GMIP: variants seen among roughly 807,000 people sequenced by gnomAD.
GMIP encodes GEM interacting protein, also known as GEM-interacting protein.
Under a neutral mutation model 105.3 loss-of-function variants are expected in GMIP, and 54 were observed. The observed-to-expected ratio is 0.51, with a 90% CI of 0.41 to 0.64. The LOEUF (loss-of-function observed/expected upper bound fraction) is 0.64, where lower values mean the gene tolerates loss of function less well. GMIP is among the 30% of genes least tolerant of loss of function. The pLI is 0.00. For synonymous variants in GMIP, 541 were observed against 560.8 expected (o/e 0.96, Z 0.50); for missense variants, 1,110 against 1,319.4 (o/e 0.84, Z 2.46).
intron 7 of GMIP, 109 bp from the exon 8 acceptor site, chr19:19,638,591 ATTTT>A: frequency 4.4e-6 from 3 of 689,652 alleles, no homozygotes; most frequent in Non-Finnish European, 6.8e-6. Flanking sequence ...TCTGGACTCT[ATTTT>A]TTTTTTTTTC....
chr19:19,634,515 A>G lies in GMIP; in HGVS notation c.2076T>C (p.His692=). ...CAGGGACCCATGCACACCTGAACAG[A>G]TGGGCCACCAGGTGCCGCAGGGTGT... ...NYNTLRHLVA[H]LFRVAARFME... is the part of the protein sequence containing the mutation. The change falls in exon 18 of 21, where the codon CAT becomes CAC. Residue 692 remains histidine (H), a synonymous_variant. Coordinates refer to ENST00000203556, the MANE Select transcript of GMIP (RefSeq NM_016573.4). The surrounding 1 kb of genome is among the most constrained non-coding windows in gnomAD (Gnocchi z 6.1). The G allele has an allele frequency of 6.2e-7, 1 of 1,609,336 alleles. No individual in the cohort carries two copies. The highest frequency in any genetic ancestry group is 8.5e-7 in the Non-Finnish European group (1 of 1,178,602).
At position 19,637,259 on chromosome 19, in the gene GMIP, C is replaced by T; in HGVS notation, c.1124+106G>A. 1 of 837,342 alleles carries T rather than the reference C, an allele frequency of 1.2e-6. No individual in the cohort carries two copies. Among genetic ancestry groups the T allele is most frequent in the Non-Finnish European group, 1.9e-6 (1 of 534,076 alleles). The allele number at this position is 837,342 out of a possible 1,614,324, so 51.9% of individuals were successfully genotyped here. ...CCCGAGAGCCTGGAGTACTAAATTC[C>T]ACTAAGGCTTTGCGTTCTCTAACCT... is the stretch of plus-strand genomic sequence containing the variant. On this transcript the variant is annotated intron_variant, in intron 11 of 20. Transcript: ENST00000203556. This position sits in a 1 kb window ranked among gnomAD's most constrained non-coding sequence, Gnocchi z 6.7.
chr19:19,640,489 A>G lies in GMIP; in HGVS notation c.321T>C (p.Tyr107=), dbSNP rs766386807. 5.6e-6 allele frequency: 9 copies of G among 1,613,948 alleles called. No homozygotes were observed. The highest frequency in any genetic ancestry group is 7.6e-6 in the Non-Finnish European group (9 of 1,180,020). Residue 107 remains tyrosine, a synonymous_variant, in exon 5 of 21, where the codon TAT becomes TAC. Transcript: ENST00000203556. ...ALEYAKTWSR[Y]AKELLAWTEK... ...CAGTCCAGGCAAGCAGTTCCTTGGC[A>G]TAGCGGCTCCAGGTCTTGGCATATT...
At chr19:19,636,854 C>A (rs1021964192) in intron 12 of GMIP, 58 bp from the exon 13 acceptor site, 1 of 1,562,530 alleles carries the variant, frequency 6.4e-7, no homozygotes, top group African/African-American at 1.4e-5. Context: ...CTCCTGCAGC[C>A]CACCTATGTG....
Position 19,635,626 on chromosome 19 carries a change from A to G in GMIP, c.1405+18T>C. The G allele has an allele frequency of 5.6e-6, 9 of 1,613,856 alleles. No homozygotes were observed. Among genetic ancestry groups the G allele is most frequent in the Non-Finnish European group, 7.6e-6 (9 of 1,179,798 alleles). ...GCCCTGCCCTGTCCCATCCTGACCT[A>G]CCCTGCTTCAGCCTCACCAGGGTCT... On this transcript the variant is annotated intron_variant, in intron 14 of 20. Coordinates refer to ENST00000203556, the MANE Select transcript of GMIP (RefSeq NM_016573.4). This position sits in a 1 kb window ranked among gnomAD's most constrained non-coding sequence, Gnocchi z 4.7.
chr19:19,631,480 C>T (rs1005899181), intron 19 of GMIP, among the ~76,000 whole-genome samples: 2 of 152,196 alleles, frequency 1.3e-5, no homozygotes, highest in African/African-American at 2.4e-5. Context: ...TGAGGCATTC[C>T]AGCTCTCAGA....
In GMIP at chr19:19,630,835, A is replaced by T. The variant is rs2061787886; in HGVS notation, c.2473-298T>A. 6.6e-6 allele frequency among the ~76,000 whole-genome samples: 1 copy of T among 152,174 alleles called. No homozygotes were observed. The highest frequency in any genetic ancestry group is 1.5e-5 in the Non-Finnish European group (1 of 68,036). ...ATTGAACTCCTCCTATGCACAGGGCATGGACCACCACTGACTGTGCACCTG... is the reference window on the plus strand; with the variant it reads ...ATTGAACTCCTCCTATGCACAGGGCTTGGACCACCACTGACTGTGCACCTG... On this transcript the variant is annotated intron_variant, in intron 19 of 20. Transcript: ENST00000203556. The surrounding 1 kb of genome is among the most constrained non-coding windows in gnomAD (Gnocchi z 4.8).
rs199758418 is a variant in GMIP at position 19,638,219 on chromosome 19, C to A, written c.729G>T (p.Ser243=). The change falls in exon 9 of 21, where the codon TCG becomes TCT. Residue 243 remains serine (S), a synonymous_variant. Coordinates refer to ENST00000203556, the MANE Select transcript of GMIP (RefSeq NM_016573.4). ...GCTCCTGCTGCTTGCTAGGTCCCGG[C>A]GAGGCCTGGGGGGCCGAGTCCTCAG... ...GSPEDSAPQA[S]PGPSKQQERR... is the part of the protein sequence containing the mutation. 4.5e-5 allele frequency: 72 copies of A among 1,598,738 alleles called. No individual in the cohort carries two copies. In the African/African-American group the frequency reaches 8.5e-4, roughly 19 times the overall value.
intron 13 of GMIP, 42 bp downstream of exon 13, chr19:19,636,665 G>A: frequency 6.3e-6 from 9 of 1,425,878 alleles, no homozygotes; most frequent in Non-Finnish European, 8.9e-6. Flanking sequence ...CTGGAGGATG[G>A]TCACAGGTGG....
Position 19,635,803 on chromosome 19 carries a change from T to G in GMIP, c.1328-82A>C. ...TAGGGCTTCCAGAACCACCCACTAA[T>G]TCCCAAGGGGTCAGAGGTCAGGAGG... On this transcript the variant is annotated intron_variant, in intron 13 of 20. Coordinates refer to ENST00000203556, the MANE Select transcript of GMIP (RefSeq NM_016573.4). The surrounding 1 kb of genome is among the most constrained non-coding windows in gnomAD (Gnocchi z 4.7). The G allele has an allele frequency of 8.8e-7, 1 of 1,133,296 alleles. No homozygotes were observed. The highest frequency in any genetic ancestry group is 1.3e-6 in the Non-Finnish European group (1 of 747,918). The allele number at this position is 1,133,296 out of a possible 1,614,324, so 70.2% of individuals were successfully genotyped here.
Position 19,634,074 on chromosome 19 carries a change from G to A in GMIP, c.2201C>T (p.Thr734Ile), listed in dbSNP as rs762636082. 2 of 1,613,518 alleles carry A rather than the reference G, an allele frequency of 1.2e-6. No individual in the cohort carries two copies. Among genetic ancestry groups the A allele is most frequent in the South Asian group, 1.1e-5 (1 of 91,084 alleles). ...CTGATGCCCAGAGTCCAGCAGGCAG[G>A]TGACAGGGATGGCGCTGGCTGCCCG... ...GPRAASAIPV[T>I]CLLDSGHQAQ... Residue 734 changes from threonine to isoleucine, a missense_variant, in exon 19 of 21, where the codon ACC (threonine) becomes ATC (isoleucine). Transcript: ENST00000203556. This position sits in a 1 kb window ranked among gnomAD's most constrained non-coding sequence, Gnocchi z 6.1.
chr19:19,637,297 C>G lies in GMIP; in HGVS notation c.1124+68G>C. ...CGTTCTCTAACCTCGAGTAACCAGC[C>G]TGCGGTGCCAACAGCCTGGCATCGC... On this transcript the variant is annotated intron_variant, in intron 11 of 20. Coordinates refer to ENST00000203556, the MANE Select transcript of GMIP (RefSeq NM_016573.4). The surrounding 1 kb of genome is among the most constrained non-coding windows in gnomAD (Gnocchi z 6.7). 1 of 1,099,528 alleles carries G rather than the reference C, an allele frequency of 9.1e-7. No individual in the cohort carries two copies. Among genetic ancestry groups the G allele is most frequent in the Non-Finnish European group, 1.3e-6 (1 of 767,784 alleles). 68.1% of individuals were successfully genotyped at this position (1,099,528 alleles called of 1,614,324 possible). A position where few individuals can be genotyped will look rare whatever the true frequency, so the allele number is the denominator to read the frequency against.
rs781503844 is a variant in GMIP at position 19,633,806 on chromosome 19, G to A, written c.2469C>T (p.Thr823=). The A allele has an allele frequency of 9.6e-6, 14 of 1,460,306 alleles. No homozygotes were observed. Among genetic ancestry groups the A allele is most frequent in the South Asian group, 3.1e-5 (2 of 64,098 alleles). The allele number at this position is 1,460,306 out of a possible 1,614,324, so 90.5% of individuals were successfully genotyped here. A position where few individuals can be genotyped will look rare whatever the true frequency, so the allele number is the denominator to read the frequency against. ...TGTGGGCCCAGTGGGTTCTTACCTC[G>A]GTAGGTGTGGCCGTGGGATGCTGCT... ...TLEQHPTATP[T]EIPTPQSDQR... Residue 823 remains threonine, a synonymous_variant, in exon 19 of 21, where the codon ACC becomes ACT. Transcript: ENST00000203556.
intron 19 of GMIP, 57 bp downstream of exon 19, chr19:19,633,746 A>C: frequency 1.9e-5 from 23 of 1,220,860 alleles, no homozygotes; most frequent in Non-Finnish European, 2.0e-5. Context: ...AGAGAAGGTA[A>C]GAGAATTGAA....
chr19:19,637,409 C>T lies in GMIP; in HGVS notation c.1080G>A (p.Pro360=). Residue 360 remains proline, a synonymous_variant, in exon 11 of 21, where the codon CCG becomes CCA. Transcript: ENST00000203556. The surrounding 1 kb of genome is among the most constrained non-coding windows in gnomAD (Gnocchi z 6.7). ...RALRPEAPPP[P]PPAFSFQEFL... ...ACTCCTGGAAGGAGAAGGCGGGCGG[C>T]GGGGGCGGCGGGGCCTCGGGCCGCA... 1.4e-6 allele frequency: 2 copies of T among 1,474,870 alleles called. No individual in the cohort carries two copies. The highest frequency in any genetic ancestry group is 1.4e-5 in the South Asian group (1 of 72,460). 91.4% of individuals were successfully genotyped at this position (1,474,870 alleles called of 1,614,324 possible).
At chr19:19,639,721 C>T (rs571911640) in intron 7 of GMIP, among the ~76,000 whole-genome samples, 2 of 151,934 alleles carry the variant, frequency 1.3e-5, no homozygotes, top group Non-Finnish European at 2.9e-5. Context: ...TGGTGGCAGG[C>T]GCCTGTAATC....
In GMIP at chr19:19,633,890, G is replaced by A; in HGVS notation, c.2385C>T (p.Ser795=). 1 of 1,511,832 alleles carries A rather than the reference G, an allele frequency of 6.6e-7. No homozygotes were observed. Among genetic ancestry groups the A allele is most frequent in the Non-Finnish European group, 8.9e-7 (1 of 1,127,648 alleles). The allele number at this position is 1,511,832 out of a possible 1,614,324, so 93.7% of individuals were successfully genotyped here. A position where few individuals can be genotyped will look rare whatever the true frequency, so the allele number is the denominator to read the frequency against. Residue 795 remains serine, a synonymous_variant, in exon 19 of 21, where the codon TCC becomes TCT. Coordinates refer to ENST00000203556, the MANE Select transcript of GMIP (RefSeq NM_016573.4). The part of the protein sequence containing the change: ...QPPPPHLDPD[S]QPPVLASDPG... Reference sequence around the variant, plus strand: ...GGTCTGAGGCTAGGACTGGGGGCTGGGAGTCTGGGTCAAGGTGCGGGGGTG... The same window carrying A: ...GGTCTGAGGCTAGGACTGGGGGCTGAGAGTCTGGGTCAAGGTGCGGGGGTG...
At chr19:19,641,713 C>T in intron 4 of GMIP, 97 bp downstream of exon 4, 1 of 932,124 alleles carries the variant, frequency 1.1e-6, no homozygotes, top group Admixed American at 2.0e-5. Context: ...TTCCCAAAAC[C>T]TAAACGATGC....
rs577494135 is a variant in GMIP at position 19,641,120 on chromosome 19, G to A, written c.239-549C>T. ...TTTTGAGGCGGAGTCTCGCTCTGTC[G>A]CTCAGGCTGGAGTGCAATGGCCCTA... On this transcript the variant is annotated intron_variant, in intron 4 of 20. Coordinates refer to ENST00000203556, the MANE Select transcript of GMIP (RefSeq NM_016573.4). Among the ~76,000 whole-genome samples, 12 of 151,656 alleles carry A rather than the reference G, an allele frequency of 7.9e-5. No individual in the cohort carries two copies. The East Asian group carries it at 1.9e-3, about 24-fold the overall frequency.
Sources: gnomAD v4.1 joint callset for allele counts (sites outside exome capture counted in the v4.1 genomes callset) on GRCh38, gnomAD v4.1.1 for gene constraint, Gnocchi (gnomAD v3.1) non-coding constraint, MANE v1.5 for transcripts, NCBI Gene and HGNC (gene_info 2026-07-23, HGNC 2026-07-21) for gene names.